Variants in MSH3 observed in about 807,000 individuals in gnomAD.
MSH3 encodes the protein DNA mismatch repair protein Msh3.
In MSH3, 106 loss-of-function variants were observed where a neutral mutation model predicts 123.3. The ratio of observed to expected loss-of-function variants is 0.86; its 90% CI spans 0.73 to 1.01. The LOEUF (loss-of-function observed/expected upper bound fraction) is 1.01, where lower values mean the gene tolerates loss of function less well. Among genes scored for constraint, MSH3 ranks in the 50% least tolerant of loss-of-function variants. MSH3 has a pLI of 0.00. For missense variants in MSH3, 1,459 were observed against 1,347.6 expected (o/e 1.08, Z -1.29); for synonymous variants, 515 against 481.4 (o/e 1.07, Z -0.91).
intron 16 of MSH3, among the ~76,000 whole-genome samples, chr5:80,776,933 T>A (rs1027592654): frequency 6.4e-5 from 9 of 140,842 alleles, no homozygotes; most frequent in African/African-American, 1.8e-4. Flanking sequence ...TATATATTTT[T>A]TTTTTTTCTT....
rs572825515 is a variant in MSH3, at chr5:80,847,042, T to C, written c.2814-7088T>C. 2.6e-5 allele frequency among the ~76,000 whole-genome samples: 4 copies of C among 152,002 alleles called. 1 individual carries two copies. The highest frequency in any genetic ancestry group is 2.1e-4 in the South Asian group (1 of 4,790). ...GACTGGAGCTGTTCCTATTTAGCCA[T>C]CTTGGAAGCGACCCTTAATTTTTGG... On this transcript the variant is annotated intron_variant, in intron 20 of 23. Transcript: ENST00000265081.
At chr5:80,784,163 TC>T (rs921474044) in intron 17 of MSH3, among the ~76,000 whole-genome samples, 1 of 127,234 alleles carries the variant, frequency 7.9e-6, no homozygotes, top group Non-Finnish European at 1.5e-5. Flanking sequence ...TGAGCTGAGA[TC>T]ATGCCACTAC....
At chr5:80,672,391 G>A in intron 5 of MSH3, 31 bp downstream of exon 5, 1 of 1,501,130 alleles carries the variant, frequency 6.7e-7, no homozygotes, top group Non-Finnish European at 9.3e-7. Flanking sequence ...GTGGGGAAAG[G>A]AAATTGGGAT....
chr5:80,853,299 C>G (rs1745860690), intron 20 of MSH3, among the ~76,000 whole-genome samples: 1 of 152,090 alleles, frequency 6.6e-6, no homozygotes, highest in Non-Finnish European at 1.5e-5. Context: ...TGGTGAAACC[C>G]TGCCTCTACT....
At chr5:80,744,811 C>G (rs776651471) in intron 12 of MSH3, among the ~76,000 whole-genome samples, 196 bp downstream of exon 12, 1 of 152,146 alleles carries the variant, frequency 6.6e-6, no homozygotes, top group African/African-American at 2.4e-5. Context: ...ATGAGCCTGC[C>G]TGCAGATTGG....
chr5:80,783,591 T>G (rs543413485), intron 17 of MSH3, among the ~76,000 whole-genome samples: 53 of 152,168 alleles, frequency 3.5e-4, no homozygotes, highest in Non-Finnish European at 6.6e-4. Context: ...TGGGACCCAC[T>G]AAGAGCTGTG....
chr5:80,774,015 G>A lies in MSH3; in HGVS notation c.2254-1679G>A, dbSNP rs561019430. ...ACTCCTGACCTCAGGTAATCTGTCC[G>A]CCTCAGCCTCCCAAAGTGCTGGGAT... On this transcript the variant is annotated intron_variant, in intron 15 of 23. Coordinates refer to ENST00000265081, the MANE Select transcript of MSH3 (RefSeq NM_002439.5). Among the ~76,000 whole-genome samples the A allele has an allele frequency of 1.8e-4, 28 of 152,206 alleles. No individual in the cohort carries two copies. In the South Asian group the frequency reaches 2.7e-3, roughly 15 times the overall value.
chr5:80,699,537 AAC>A (rs1750559241), intron 8 of MSH3, among the ~76,000 whole-genome samples: 2 of 134,014 alleles, frequency 1.5e-5, no homozygotes, highest in South Asian at 4.9e-4. Flanking sequence ...CAGCCTGGGC[AAC>A]AGAGTACAAC....
At chr5:80,799,800 A>T (rs192108648) in intron 19 of MSH3, among the ~76,000 whole-genome samples, 1 of 152,112 alleles carries the variant, frequency 6.6e-6, no homozygotes. Flanking sequence ...GCTGGGAAAG[A>T]TATTTAGCTT....
chr5:80,724,868 A>G (rs1743241303), intron 8 of MSH3, among the ~76,000 whole-genome samples: 1 of 152,194 alleles, frequency 6.6e-6, no homozygotes, highest in Non-Finnish European at 1.5e-5. Flanking sequence ...TTTTTAAATA[A>G]TGATAGATAT....
At chr5:80,756,544 A>G (rs1743929686) in intron 12 of MSH3, among the ~76,000 whole-genome samples, 1 of 152,236 alleles carries the variant, frequency 6.6e-6, no homozygotes, top group South Asian at 2.1e-4. Flanking sequence ...TCTTTTACTC[A>G]ATAGCTACCC....
At chr5:80,680,834 G>T (rs1032627269) in intron 8 of MSH3, among the ~76,000 whole-genome samples, 14 of 151,856 alleles carry the variant, frequency 9.2e-5, no homozygotes, top group African/African-American at 1.5e-4. Flanking sequence ...AACAAAATAA[G>T]TACATGACAT....
At chr5:80,806,102 T>C (rs2112043499) in intron 19 of MSH3, among the ~76,000 whole-genome samples, 2 of 152,324 alleles carry the variant, frequency 1.3e-5, no homozygotes, top group South Asian at 4.1e-4. Context: ...AATTTATTTA[T>C]TTACTTATCT....
At chr5:80,693,680 G>A (rs1316670259) in intron 8 of MSH3, among the ~76,000 whole-genome samples, 1 of 151,322 alleles carries the variant, frequency 6.6e-6, no homozygotes, top group Admixed American at 6.6e-5. Context: ...TTTTGGAGAT[G>A]GGAGTCTCAC....
chr5:80,774,994 G>A (rs1381117312), intron 15 of MSH3, among the ~76,000 whole-genome samples: 1 of 152,140 alleles, frequency 6.6e-6, no homozygotes, highest in African/African-American at 2.4e-5. Flanking sequence ...AATGCTTGAG[G>A]AGATGGATAC....
chr5:80,724,060 G>A (rs926692406), intron 8 of MSH3, among the ~76,000 whole-genome samples: 2 of 152,120 alleles, frequency 1.3e-5, no homozygotes, highest in Non-Finnish European at 2.9e-5. Flanking sequence ...CCCGGCCAGC[G>A]TTTCCTTCTG....
intron 8 of MSH3, among the ~76,000 whole-genome samples, chr5:80,716,419 A>G (rs965403390): frequency 1.3e-5 from 2 of 151,896 alleles, no homozygotes; most frequent in African/African-American, 4.8e-5. Flanking sequence ...TTATGATAGT[A>G]TCTGACAACT....
intron 20 of MSH3, among the ~76,000 whole-genome samples, chr5:80,851,862 A>G (rs1745835864): frequency 6.6e-6 from 1 of 152,100 alleles, no homozygotes; most frequent in African/African-American, 2.4e-5. Context: ...TTAATTTGAA[A>G]TCTCACCTCT....
chr5:80,748,012 G>T (rs1743752763), intron 12 of MSH3, among the ~76,000 whole-genome samples: 1 of 152,142 alleles, frequency 6.6e-6, no homozygotes, highest in South Asian at 2.1e-4. Flanking sequence ...CACATCAGTG[G>T]CTCATCCAGA....
Sources: allele counts gnomAD v4.1 joint callset (sites outside exome capture counted in the v4.1 genomes callset), GRCh38; gene constraint gnomAD v4.1.1; transcripts MANE v1.5; gene names NCBI Gene and HGNC (gene_info 2026-07-23, HGNC 2026-07-21).